The following PDE1C variants were observed in gnomAD, a reference collection of about 807,000 sequenced individuals.
The protein encoded by PDE1C is dual specificity calcium/calmodulin-dependent 3',5'-cyclic nucleotide phosphodiesterase 1C.
PDE1C carries 62 observed loss-of-function variants against 93.1 expected under a neutral mutation model. The ratio of observed to expected loss-of-function variants is 0.67; its 90% confidence interval spans 0.54 to 0.82. The LOEUF is 0.82. Ranked by LOEUF, PDE1C falls within the 40% of genes least tolerant of loss-of-function variation. The pLI is 0.00. For synonymous variants in PDE1C, 325 were observed against 310.1 expected (o/e 1.05, Z -0.50); for missense variants, 742 against 884.6 (o/e 0.84, Z 2.04).
At chr7:31,878,232 C>T (rs780055792) in intron 4 of PDE1C, among the ~76,000 whole-genome samples, 196 bp from the exon 5 acceptor site, 109 of 152,112 alleles carry the variant, frequency 7.2e-4, no homozygotes, top group Non-Finnish European at 9.9e-4. Context: ...TAAAGCAATC[C>T]CAAACATATG....
chr7:31,692,646 G>T, the PDE1C span: 6 of 847,618 alleles, frequency 7.1e-6, no homozygotes, highest in East Asian at 7.8e-5. Flanking sequence ...TGTGCCTTCT[G>T]GTGACAGCCA....
intron 2 of PDE1C, among the ~76,000 whole-genome samples, chr7:32,022,667 C>G (rs1473746138): frequency 2.0e-5 from 3 of 151,824 alleles, no homozygotes. Flanking sequence ...AACAAATTAA[C>G]TTAGGCCTGG....
chr7:32,282,850 C>A (rs1187148719), intron 1 of PDE1C, among the ~76,000 whole-genome samples: 2 of 152,082 alleles, frequency 1.3e-5, no homozygotes, highest in Non-Finnish European at 2.9e-5. Context: ...AAAGTGCTGA[C>A]ATTACAGGCA....
At chr7:32,130,636 C>A (rs551649725) in intron 3 of PDE1C, among the ~76,000 whole-genome samples, 1 of 152,166 alleles carries the variant, frequency 6.6e-6, no homozygotes, top group East Asian at 1.9e-4. Flanking sequence ...GTCCATCTTA[C>A]AAACTCTTCT....
intron 2 of PDE1C, among the ~76,000 whole-genome samples, chr7:32,019,736 T>C (rs1424628733): frequency 6.6e-6 from 1 of 151,982 alleles, no homozygotes; most frequent in Non-Finnish European, 1.5e-5. Context: ...TGACTGTATA[T>C]AGGATAGGGA....
rs546502232 is a variant in PDE1C, at chr7:31,982,763, G to A, written c.128+68791C>T. On this transcript the variant is annotated intron_variant, in intron 2 of 17. Transcript: ENST00000396191. ...ACTAATCTTTTGAACTTGCCCACAT[G>A]TTTGAAAAAAAATCAAAATCAAAAG... Among the ~76,000 whole-genome samples, 32 of 151,926 alleles carry A rather than the reference G, an allele frequency of 2.1e-4. No individual in the cohort carries two copies. In the South Asian group the frequency reaches 6.5e-3, roughly 31 times the overall value.
At chr7:31,993,458 G>T (rs180783079) in intron 2 of PDE1C, among the ~76,000 whole-genome samples, 41 of 152,258 alleles carry the variant, frequency 2.7e-4, no homozygotes, top group African/African-American at 9.1e-4. Context: ...AGAAAGAGAG[G>T]CACAGAGATG....
chr7:32,196,796 G>A (rs1253963315), intron 2 of PDE1C, among the ~76,000 whole-genome samples: 1 of 152,198 alleles, frequency 6.6e-6, no homozygotes, highest in Non-Finnish European at 1.5e-5. Flanking sequence ...TTGTAGCTGT[G>A]AGAATAAAGT....
chr7:32,078,590 G>A (rs550057800), intron 3 of PDE1C, among the ~76,000 whole-genome samples: 1 of 152,092 alleles, frequency 6.6e-6, no homozygotes, highest in South Asian at 2.1e-4. Flanking sequence ...ACTGGGCAAC[G>A]GCTATACATG....
chr7:32,349,881 G>C (rs1190346970), intron 1 of PDE1C, among the ~76,000 whole-genome samples: 1 of 152,228 alleles, frequency 6.6e-6, no homozygotes, highest in East Asian at 1.9e-4. Context: ...ACCCGCCTCA[G>C]CCTCCCAAAG....
chr7:31,625,569 C>T, the PDE1C span, among the ~76,000 whole-genome samples: 1 of 151,388 alleles, frequency 6.6e-6, no homozygotes, highest in African/African-American at 2.4e-5. Context: ...GGGAATTGAA[C>T]AATGGGAACA....
intron 1 of PDE1C, among the ~76,000 whole-genome samples, chr7:32,308,540 G>A (rs957189632): frequency 1.3e-5 from 2 of 152,194 alleles, no homozygotes; most frequent in African/African-American, 4.8e-5. Flanking sequence ...AAAACTTCCA[G>A]AGGAACAATC....
At chr7:31,775,643 G>T in intron 17 of PDE1C, 21 bp downstream of exon 17, 1 of 1,604,308 alleles carries the variant, frequency 6.2e-7, no homozygotes, top group East Asian at 2.2e-5. Context: ...CTAAGATAAT[G>T]GTGCAATGCT....
intron 2 of PDE1C, among the ~76,000 whole-genome samples, chr7:31,978,673 C>G (rs759411216): frequency 2.0e-5 from 3 of 152,180 alleles, no homozygotes; most frequent in Non-Finnish European, 2.9e-5. Flanking sequence ...ACCCAGGACT[C>G]TGGCGTGTTT....
intron 11 of PDE1C, among the ~76,000 whole-genome samples, chr7:31,832,068 A>T (rs1790484162): frequency 6.6e-6 from 1 of 152,174 alleles, no homozygotes; most frequent in South Asian, 2.1e-4. Flanking sequence ...AGCAGCTCAA[A>T]GGAGAACTGA....
intron 2 of PDE1C, among the ~76,000 whole-genome samples, chr7:31,951,509 C>A (rs965223482): frequency 2.0e-5 from 3 of 152,134 alleles, no homozygotes; most frequent in South Asian, 2.1e-4. Context: ...TAGGTCTGAG[C>A]AATCAGGCAA....
intron 6 of PDE1C, among the ~76,000 whole-genome samples, chr7:31,866,026 C>T (rs1583671688): frequency 2.0e-5 from 3 of 152,010 alleles, no homozygotes; most frequent in Non-Finnish European, 4.4e-5. Flanking sequence ...AATATACATG[C>T]CTTCCTTTTC....
In PDE1C at chr7:32,420,118, T is replaced by TACAC. The variant is rs1210482057; in HGVS notation, c.310+7703_310+7704insGTGT. Among the ~76,000 whole-genome samples, 65 of 24,176 alleles carry TACAC rather than the reference T, an allele frequency of 2.7e-3. 9 individuals carry two copies. The highest frequency in any genetic ancestry group is 7.5e-3 in the African/African-American group (63 of 8,396). 15.9% of individuals were successfully genotyped at this position (24,176 alleles called of 152,430 possible). A position where few individuals can be genotyped will look rare whatever the true frequency, so the allele number is the denominator to read the frequency against. ...ATATATATATATATATATATATATA[T>TACAC]ATATATACACACACACACACACACA... On this transcript the variant is annotated intron_variant, in intron 1 of 1. Coordinates refer to the PDE1C transcript ENST00000672256.
At chr7:32,191,476 C>T (rs951372532) in intron 2 of PDE1C, among the ~76,000 whole-genome samples, 3 of 152,098 alleles carry the variant, frequency 2.0e-5, no homozygotes, top group Admixed American at 2.0e-4. Flanking sequence ...CAAATAGACT[C>T]ACACAATATG....
Sources: gnomAD v4.1 joint callset for allele counts (sites outside exome capture counted in the v4.1 genomes callset) on GRCh38, gnomAD v4.1.1 for gene constraint, MANE v1.5 for transcripts, NCBI Gene and HGNC (gene_info 2026-07-23, HGNC 2026-07-21) for gene names.